Variants in EPHB2 observed in about 807,000 individuals in gnomAD.
EPHB2 encodes ephrin type-B receptor 2.
Under a neutral mutation model 96.4 loss-of-function variants are expected in EPHB2, and 18 were observed. The observed-to-expected ratio is 0.19, with a 90% CI of 0.13 to 0.28. The LOEUF is 0.28. Ranked by LOEUF, EPHB2 falls within the 10% of genes least tolerant of loss-of-function variation. The probability of loss-of-function intolerance (pLI) is 1.00; values close to 1 mark genes in which losing one functional copy is unlikely to be tolerated. For synonymous variants in EPHB2, 506 were observed against 534.1 expected, an observed-to-expected ratio of 0.95 and a Z score of 0.72; for missense variants, 989 against 1,355.4, an observed-to-expected ratio of 0.73 and a Z score of 4.25.
intron 1 of EPHB2, among the ~76,000 whole-genome samples, chr1:22,734,582 C>T (rs370002453): frequency 8.6e-5 from 13 of 151,992 alleles, no homozygotes; most frequent in East Asian, 3.9e-4. Context: ...CCACTGCGCC[C>T]GACTAATTTT....
chr1:22,824,961 G>A (rs909984136), intron 3 of EPHB2, among the ~76,000 whole-genome samples: 7 of 152,186 alleles, frequency 4.6e-5, no homozygotes, highest in African/African-American at 1.2e-4. Context: ...GCAGCCCTGC[G>A]GGAAGGGGAC....
chr1:22,736,844 A>C lies in EPHB2; in HGVS notation c.61+25801A>C, dbSNP rs573640063. ...AATGGAGCTTTGGGCCAATGGAGAC[A>C]CAGGACTCAGCCGGCCCCCTCCCTG... On this transcript the variant is annotated intron_variant, in intron 1 of 15. Transcript: ENST00000374630. Among the ~76,000 whole-genome samples, 136 of 152,220 alleles carry C rather than the reference A, an allele frequency of 8.9e-4. 1 individual carries two copies. Among genetic ancestry groups the C allele is most frequent in the African/African-American group, 3.2e-3 (133 of 41,540 alleles).
At chr1:22,741,725 C>T (rs1469757078) in intron 1 of EPHB2, among the ~76,000 whole-genome samples, 2 of 145,170 alleles carry the variant, frequency 1.4e-5, no homozygotes, top group African/African-American at 5.0e-5. Context: ...CACGTTGGCT[C>T]TGGCTCAGTG....
chr1:22,830,181 T>C (rs1438012752), intron 3 of EPHB2, among the ~76,000 whole-genome samples: 1 of 152,178 alleles, frequency 6.6e-6, no homozygotes, highest in Non-Finnish European at 1.5e-5. Context: ...AGAAAGGGCT[T>C]TGGCGGGAAT....
At chr1:22,898,420 G>A (rs1035286493) in intron 9 of EPHB2, among the ~76,000 whole-genome samples, 3 of 152,180 alleles carry the variant, frequency 2.0e-5, no homozygotes, top group Admixed American at 6.5e-5. Context: ...CCAATACAAA[G>A]GTCTTGAGGC....
chr1:22,744,395 A>T (rs1643940661), intron 1 of EPHB2, among the ~76,000 whole-genome samples: 1 of 151,668 alleles, frequency 6.6e-6, no homozygotes, highest in African/African-American at 2.4e-5. Flanking sequence ...AGCCTTACTG[A>T]TAACATAGTC....
At chr1:22,810,478 A>G (rs1644987775) in intron 3 of EPHB2, among the ~76,000 whole-genome samples, 1 of 152,164 alleles carries the variant, frequency 6.6e-6, no homozygotes, top group African/African-American at 2.4e-5. Context: ...CTGTGACCTG[A>G]GGCAAGTCAC....
At chr1:22,871,565 T>C (rs1638667740) in intron 5 of EPHB2, among the ~76,000 whole-genome samples, 1 of 152,206 alleles carries the variant, frequency 6.6e-6, no homozygotes, top group Non-Finnish European at 1.5e-5. Context: ...CTTTGCTAGA[T>C]GGTTGTGGAC....
chr1:22,723,927 A>C (rs72879163), intron 1 of EPHB2, among the ~76,000 whole-genome samples: 6,390 of 152,320 alleles, frequency 0.042, 353 homozygotes, highest in African/African-American at 0.13. Context: ...AGGAGCAGGC[A>C]CTGGGCTTAG....
chr1:22,729,034 C>G (rs1161430506), intron 1 of EPHB2, among the ~76,000 whole-genome samples: 1 of 152,208 alleles, frequency 6.6e-6, no homozygotes, highest in East Asian at 1.9e-4. Flanking sequence ...TGTGTTTATT[C>G]CAGAAATTAC....
intron 3 of EPHB2, among the ~76,000 whole-genome samples, chr1:22,833,281 G>A (rs1645333562): frequency 6.6e-6 from 1 of 152,038 alleles, no homozygotes; most frequent in South Asian, 2.1e-4. Context: ...ACCATGCCTG[G>A]CTAATTTTTG....
chr1:22,774,144 C>T (rs1644415823), intron 1 of EPHB2, among the ~76,000 whole-genome samples: 1 of 152,164 alleles, frequency 6.6e-6, no homozygotes. Flanking sequence ...AGCTCACATG[C>T]CACCTCCTCT....
intron 3 of EPHB2, among the ~76,000 whole-genome samples, chr1:22,832,827 A>G (rs1451375382): frequency 6.6e-6 from 1 of 152,142 alleles, no homozygotes; most frequent in Non-Finnish European, 1.5e-5. Flanking sequence ...TACAATAAAT[A>G]TTTTGTTAAT....
At chr1:22,791,038 T>C (rs1644683810) in intron 3 of EPHB2, among the ~76,000 whole-genome samples, 1 of 152,236 alleles carries the variant, frequency 6.6e-6, no homozygotes, top group African/African-American at 2.4e-5. Context: ...GGTGAGCCAC[T>C]GACCCTCTCC....
At chr1:22,822,047 C>A (rs1645159390) in intron 3 of EPHB2, among the ~76,000 whole-genome samples, 1 of 152,156 alleles carries the variant, frequency 6.6e-6, no homozygotes, top group Admixed American at 6.5e-5. Flanking sequence ...TACTATGTAC[C>A]AATTACAGTG....
At chr1:22,739,402 G>C (rs1643878169) in intron 1 of EPHB2, among the ~76,000 whole-genome samples, 1 of 152,104 alleles carries the variant, frequency 6.6e-6, no homozygotes, top group Non-Finnish European at 1.5e-5. Flanking sequence ...TTTTAGTAGA[G>C]ATGGGGGTTC....
intron 1 of EPHB2, among the ~76,000 whole-genome samples, chr1:22,753,220 A>G (rs1411513464): frequency 6.6e-6 from 1 of 152,158 alleles, no homozygotes; most frequent in Non-Finnish European, 1.5e-5. Context: ...AGTTTTCCCA[A>G]ATCTTGGCTG....
At chr1:22,788,753 G>T (rs201933978) in intron 3 of EPHB2, among the ~76,000 whole-genome samples, 6,745 of 133,872 alleles carry the variant, frequency 0.05, 445 homozygotes, top group East Asian at 0.17. Context: ...TTTTGTTTTT[G>T]TTTTTTTTTT....
rs556505603 is a variant in EPHB2 at position 22,880,094 on chromosome 1, T to A, written c.1304-2265T>A. 1.1e-4 allele frequency among the ~76,000 whole-genome samples: 17 copies of A among 152,090 alleles called. No homozygotes were observed. The South Asian group carries it at 3.5e-3, about 32-fold the overall frequency. Reference sequence around the variant, plus strand: ...CAGAGGAAGGACTGGCAGGGAACATTGGAGCCTCGAGGCCTCAGAGATCTT... The same window carrying A: ...CAGAGGAAGGACTGGCAGGGAACATAGGAGCCTCGAGGCCTCAGAGATCTT... On this transcript the variant is annotated intron_variant, in intron 5 of 15. Transcript: ENST00000374630.
Sources: gnomAD v4.1 joint callset for allele counts (sites outside exome capture counted in the v4.1 genomes callset) on GRCh38, gnomAD v4.1.1 for gene constraint, MANE v1.5 for transcripts, NCBI Gene and HGNC (gene_info 2026-07-23, HGNC 2026-07-21) for gene names.